The following SCN11A variants were observed in gnomAD, a reference collection of about 807,000 sequenced individuals.
SCN11A encodes the protein sodium channel protein type 11 subunit alpha.
A neutral mutation model predicts 162.2 loss-of-function variants in SCN11A; 122 were observed. The ratio of observed to expected loss-of-function variants is 0.75; its 90% confidence interval spans 0.65 to 0.87. The LOEUF is 0.87. Ranked by LOEUF, SCN11A falls within the 40% of genes least tolerant of loss-of-function variation. The pLI is 0.00. For missense variants in SCN11A, 2,015 were observed against 2,181.6 expected (o/e 0.92, Z 1.52); for synonymous variants, 758 against 751.5 (o/e 1.01, Z -0.14).
intron 10 of SCN11A, 64 bp downstream of exon 10, chr3:38,921,012 A>T (rs2066041029): frequency 4.2e-6 from 6 of 1,443,196 alleles, no homozygotes; most frequent in African/African-American, 1.4e-5. Context: ...AGGCAGGACA[A>T]GTGAGGATAA....
chr3:38,966,987 G>A (rs2066786802), intron 2 of SCN11A, among the ~76,000 whole-genome samples: 1 of 152,228 alleles, frequency 6.6e-6, no homozygotes, highest in African/African-American at 2.4e-5. Context: ...AATGAGGAAT[G>A]GAAAGCTGAG....
intron 2 of SCN11A, among the ~76,000 whole-genome samples, chr3:38,996,742 A>G (rs1349876060): frequency 6.6e-6 from 1 of 152,158 alleles, no homozygotes; most frequent in Non-Finnish European, 1.5e-5. Context: ...AAATTCTTCC[A>G]TGCCCTATAG....
chr3:38,891,142 G>T (rs1447746806), intron 19 of SCN11A, among the ~76,000 whole-genome samples: 1 of 151,932 alleles, frequency 6.6e-6, no homozygotes, highest in African/African-American at 2.4e-5. Flanking sequence ...AGAATTAAAA[G>T]GTACAATGCT....
At chr3:38,863,503 C>A (rs1470842930) in intron 27 of SCN11A, among the ~76,000 whole-genome samples, 2 of 151,958 alleles carry the variant, frequency 1.3e-5, no homozygotes, top group Non-Finnish European at 2.9e-5. Flanking sequence ...AATAAAGTTA[C>A]CTTTATCAGT....
intron 5 of SCN11A, among the ~76,000 whole-genome samples, chr3:38,949,162 C>T (rs191289207): frequency 1.8e-4 from 28 of 152,350 alleles, no homozygotes; most frequent in Non-Finnish European, 3.1e-4. Context: ...ACCTCCCAGC[C>T]TCCTAGGTCT....
At chr3:38,981,540 T>TGTGTGTGTGC (rs1250483078) in intron 2 of SCN11A, among the ~76,000 whole-genome samples, 1 of 100,822 alleles carries the variant, frequency 9.9e-6, no homozygotes, top group African/African-American at 4.1e-5. Flanking sequence ...TGTGTGTTTG[T>TGTGTGTGTGC]GTGTGTGTGT....
Position 38,985,579 on chromosome 3 carries a change from A to G in SCN11A, c.-279-25156T>C, listed in dbSNP as rs929921853. Among the ~76,000 whole-genome samples, 3 of 150,958 alleles carry G rather than the reference A, an allele frequency of 2.0e-5. 1 individual carries two copies. Among genetic ancestry groups the G allele is most frequent in the African/African-American group, 7.4e-5 (3 of 40,324 alleles). On this transcript the variant is annotated intron_variant, in intron 2 of 29. Coordinates refer to ENST00000302328, the MANE Select transcript of SCN11A (RefSeq NM_001349253.2). ...ATGGAGAAAGGCAGATAGATTTGTG[A>G]AACCATTTCAAGAAAAAGCTGTCTT...
At position 38,951,681 on chromosome 3, in the gene SCN11A, C is replaced by T. The variant is rs573816162; in HGVS notation, c.-7-1312G>A. ...GGGATTGTAAATACACCAATCAGCA[C>T]CCTGTGTCTAGCTCAGGGTTTGTGA... On this transcript the variant is annotated intron_variant, in intron 4 of 29. Transcript: ENST00000302328. 1.7e-4 allele frequency among the ~76,000 whole-genome samples: 26 copies of T among 152,356 alleles called. No individual in the cohort carries two copies. The East Asian group carries it at 3.7e-3, about 21-fold the overall frequency.
intron 1 of SCN11A, among the ~76,000 whole-genome samples, chr3:39,035,953 A>T (rs1017657288): frequency 6.6e-6 from 1 of 152,014 alleles, no homozygotes; most frequent in Non-Finnish European, 1.5e-5. Flanking sequence ...TGAAGTTTTG[A>T]CTTGCTACAT....
intron 28 of SCN11A, among the ~76,000 whole-genome samples, chr3:38,853,703 T>C (rs1200704344): frequency 2.0e-5 from 3 of 152,204 alleles, no homozygotes; most frequent in Non-Finnish European, 4.4e-5. Flanking sequence ...CGATCTCATG[T>C]TCAAATGGAA....
chr3:38,864,422 G>C (rs2065010848), intron 27 of SCN11A, among the ~76,000 whole-genome samples: 1 of 152,144 alleles, frequency 6.6e-6, no homozygotes, highest in Admixed American at 6.6e-5. Flanking sequence ...TGAGACTGTA[G>C]TGTGTGTATG....
At chr3:38,986,624 C>G (rs574913808) in intron 2 of SCN11A, among the ~76,000 whole-genome samples, 37 of 152,100 alleles carry the variant, frequency 2.4e-4, no homozygotes, top group South Asian at 1.2e-3. Context: ...CTCTCTCTCT[C>G]TCTGTGTGTG....
intron 28 of SCN11A, among the ~76,000 whole-genome samples, chr3:38,851,496 A>C (rs2064778502): frequency 6.6e-6 from 1 of 152,228 alleles, no homozygotes; most frequent in Non-Finnish European, 1.5e-5. Context: ...TTTGCATGCC[A>C]AGTCTACCAT....
chr3:38,998,692 T>G (rs2030716837), intron 2 of SCN11A, among the ~76,000 whole-genome samples: 1 of 151,796 alleles, frequency 6.6e-6, no homozygotes, highest in East Asian at 1.9e-4. Context: ...ATTAAGAAAA[T>G]GTGGCACATA....
intron 9 of SCN11A, among the ~76,000 whole-genome samples, chr3:38,921,685 C>T (rs951414613): frequency 6.6e-6 from 1 of 152,116 alleles, no homozygotes; most frequent in African/African-American, 2.4e-5. Flanking sequence ...TACCATGAGA[C>T]ACAGCTAAAT....
chr3:39,037,610 T>C (rs1439926823), intron 1 of SCN11A, among the ~76,000 whole-genome samples: 1 of 152,066 alleles, frequency 6.6e-6, no homozygotes, highest in Non-Finnish European at 1.5e-5. Context: ...TATATATACA[T>C]CTACTATATA....
At position 39,046,019 on chromosome 3, in the gene SCN11A, G is replaced by C. The variant is rs554605419; in HGVS notation, c.-404+5842C>G. ...TCACTCCTGTAATCCCAACACTTTG[G>C]GGGGCCTAAGCAGGAGGAACACTTG... On this transcript the variant is annotated intron_variant, in intron 1 of 29. Coordinates refer to ENST00000302328, the MANE Select transcript of SCN11A (RefSeq NM_001349253.2). Among the ~76,000 whole-genome samples, 34 of 152,314 alleles carry C rather than the reference G, an allele frequency of 2.2e-4. No homozygotes were observed. In the South Asian group the frequency reaches 6.8e-3, roughly 31 times the overall value.
chr3:38,894,627 G>C lies in SCN11A; in HGVS notation c.2741C>G (p.Thr914Ser). 1 of 1,614,138 alleles carries C rather than the reference G, an allele frequency of 6.2e-7. No individual in the cohort carries two copies. The highest frequency in any genetic ancestry group is 8.5e-7 in the Non-Finnish European group (1 of 1,179,990). ...CTCCTCCGCAAGTGGTGCCAACCAA[G>C]TCCAATCATGCCTGACGCCCAGGGT... ...PKTLGVRHDW[T>S]WLAPLAEEED... The change falls in exon 19 of 30, where the codon ACT becomes AGT. Residue 914 changes from threonine (T) to serine (S), a missense_variant. By Grantham distance (58) the Thr-to-Ser change is moderately conservative. Coordinates refer to ENST00000302328, the MANE Select transcript of SCN11A (RefSeq NM_001349253.2).
chr3:38,915,841 G>C (rs2125543320), intron 11 of SCN11A, among the ~76,000 whole-genome samples: 1 of 152,122 alleles, frequency 6.6e-6, no homozygotes, highest in Non-Finnish European at 1.5e-5. Context: ...GTTGACTTCA[G>C]GTCCTGAATA....
Sources: allele counts gnomAD v4.1 joint callset (sites outside exome capture counted in the v4.1 genomes callset), GRCh38; gene constraint gnomAD v4.1.1; transcripts MANE v1.5; gene names NCBI Gene and HGNC (gene_info 2026-07-23, HGNC 2026-07-21).